USP42: variants seen among roughly 807,000 people sequenced by gnomAD.
USP42 encodes the protein ubiquitin specific peptidase 42, also known as ubiquitin carboxyl-terminal hydrolase 42.
Under a neutral mutation model 113.0 loss-of-function variants are expected in USP42, and 23 were observed. The observed-to-expected ratio is 0.20, with a 90% CI of 0.15 to 0.29. The LOEUF (loss-of-function observed/expected upper bound fraction) is 0.29. Ranked by LOEUF, USP42 falls within the 10% of genes least tolerant of loss-of-function variation. USP42 has a pLI of 1.00. For missense variants in USP42, 2,174 were observed against 1,779.8 expected (o/e 1.22, Z -3.99); for synonymous variants, 933 against 699.0 (o/e 1.33, Z -5.28).
the USP42 span, among the ~76,000 whole-genome samples, chr7:6,095,846 T>G: frequency 1.3e-5 from 2 of 150,960 alleles, no homozygotes; most frequent in Non-Finnish European, 2.9e-5. Flanking sequence ...CACTGCAGTC[T>G]ACACCTCCCA....
rs1198975766 is a variant in USP42, at chr7:6,154,670, A to C, written c.3116A>C (p.Glu1039Ala). Reference protein sequence around the residue: ...ELDWVRHHYTEGERGWGREKF... With the variant: ...ELDWVRHHYTAGERGWGREKF... ...GACTGGGTCAGACACCACTACACCGAGGGCGAGCGTGGCTGGGGCCGGGAG... is the reference window on the plus strand; with the variant it reads ...GACTGGGTCAGACACCACTACACCGCGGGCGAGCGTGGCTGGGGCCGGGAG... Residue 1039 changes from glutamate to alanine, a missense_variant, in exon 15 of 18, where the codon GAG becomes GCG. Glu to Ala is a moderately radical substitution (Grantham distance 107). Transcript: ENST00000306177. 1.9e-6 allele frequency: 3 copies of C among 1,605,940 alleles called. No individual in the cohort carries two copies. Among genetic ancestry groups the C allele is most frequent in the Non-Finnish European group, 2.5e-6 (3 of 1,177,064 alleles).
intron 9 of USP42, 96 bp from the exon 10 acceptor site, chr7:6,145,420 G>C (rs1200992298): frequency 2.1e-6 from 3 of 1,451,310 alleles, no homozygotes; most frequent in African/African-American, 2.8e-5. Context: ...TGTTCTGTGG[G>C]TCTCCCCTCC....
chr7:6,081,679 G>C, the USP42 span: 1 of 152,268 alleles, frequency 6.6e-6, no homozygotes, highest in African/African-American at 2.4e-5. Flanking sequence ...CTAGTCTTCG[G>C]ACGGCGGCCT....
chr7:6,149,388 GA>G (rs1343689158), intron 12 of USP42, among the ~76,000 whole-genome samples, 194 bp from the exon 13 acceptor site: 1 of 151,526 alleles, frequency 6.6e-6, no homozygotes, highest in African/African-American at 2.4e-5. Flanking sequence ...TTTATTGCCA[GA>G]AAACTAGGGC....
intron 14 of USP42, among the ~76,000 whole-genome samples, chr7:6,151,335 A>G (rs1479923467): frequency 1.7e-4 from 26 of 152,238 alleles, no homozygotes; most frequent in Admixed American, 1.4e-3. Context: ...GCTTACTGTA[A>G]CTTTTTTACT....
intron 1 of USP42, among the ~76,000 whole-genome samples, chr7:6,105,851 A>G (rs1008170074): frequency 6.6e-6 from 1 of 152,166 alleles, no homozygotes; most frequent in Non-Finnish European, 1.5e-5. Context: ...TGCAGTGGAG[A>G]TGACTTTTGT....
At position 6,154,340 on chromosome 7, in the gene USP42, C is replaced by G. The variant is rs1782277185; in HGVS notation, c.2786C>G (p.Ala929Gly). The change falls in exon 15 of 18, where the codon GCG (alanine) becomes GGG (glycine). Residue 929 changes from alanine (A) to glycine (G), a missense_variant. Transcript: ENST00000306177. ...GGCGAGAGGGTCGAGGACGCCGCGG[C>G]GCCGAAAGCCCCAGGCCCTTCCCCA... is the stretch of plus-strand genomic sequence containing the variant. The part of the protein sequence containing the change: ...SPGERVEDAA[A>G]PKAPGPSPAK... The G allele has an allele frequency of 6.4e-7, 1 of 1,571,058 alleles. No homozygotes were observed. The highest frequency in any genetic ancestry group is 8.6e-7 in the Non-Finnish European group (1 of 1,159,398).
At chr7:6,102,346 T>C (rs565465341), upstream of USP42, among the ~76,000 whole-genome samples, 1 of 150,420 alleles carries the variant, frequency 6.6e-6, no homozygotes, top group Non-Finnish European at 1.5e-5. Flanking sequence ...ACTCCTGATC[T>C]TGTGATCTGC....
At chr7:6,100,046 G>A (rs1221464126), upstream of USP42, among the ~76,000 whole-genome samples, 2 of 133,434 alleles carry the variant, frequency 1.5e-5, no homozygotes, top group African/African-American at 2.9e-5. Context: ...AGAGACTGGG[G>A]CTCACTATGT....
At position 6,149,584 on chromosome 7, in the gene USP42, A is replaced by G; in HGVS notation, c.1388A>G (p.Asn463Ser). ...GPQLPSHMIKNPPHLNGTGPL... is the reference protein window; with the variant it reads ...GPQLPSHMIKSPPHLNGTGPL... ...CAGGTGCGCTCTGCTTACTTCCAGA[A>G]TCCACCTCACTTAAATGGGACTGGA... Residue 463 changes from asparagine (N) to serine (S), a missense_variant and splice_region_variant, in exon 13 of 18, where the codon AAT (asparagine) becomes AGT (serine). Coordinates refer to ENST00000306177, the MANE Select transcript of USP42 (RefSeq NM_032172.3). 1 of 1,610,974 alleles carries G rather than the reference A, an allele frequency of 6.2e-7. No homozygotes were observed. Among genetic ancestry groups the G allele is most frequent in the Non-Finnish European group, 8.5e-7 (1 of 1,177,724 alleles).
At chr7:6,099,305 C>T in the USP42 span, among the ~76,000 whole-genome samples, 5 of 144,290 alleles carry the variant, frequency 3.5e-5, no homozygotes, top group Non-Finnish European at 6.0e-5. Context: ...ACCTAGGCCT[C>T]CCAGGTTCAA....
At position 6,157,390 on chromosome 7, in the gene USP42, TTTTATTTTA is replaced by T. The variant is rs1245336555; in HGVS notation, c.3943+348_3943+356del. ...CTTGGTTTGGTTTGGTTTTATTTTA[TTTTATTTTA>T]TTTATTTTATTTTTTGAGACGGAGT... On this transcript the variant is annotated intron_variant, in intron 16 of 17. Transcript: ENST00000306177. This position sits in a 1 kb window ranked among gnomAD's most constrained non-coding sequence, Gnocchi z 4.1. 2.0e-6 allele frequency: 2 copies of T among 999,006 alleles called. No homozygotes were observed. Among genetic ancestry groups the T allele is most frequent in the Non-Finnish European group, 2.4e-6 (2 of 838,258 alleles). 61.9% of individuals were successfully genotyped at this position (999,006 alleles called of 1,614,324 possible). A position where few individuals can be genotyped will look rare whatever the true frequency, so the allele number is the denominator to read the frequency against.
At position 6,150,165 on chromosome 7, in the gene USP42, C is replaced by G; in HGVS notation, c.1969C>G (p.Leu657Val). 6.2e-7 allele frequency: 1 copy of G among 1,613,894 alleles called. No individual in the cohort carries two copies. Among genetic ancestry groups the G allele is most frequent in the Non-Finnish European group, 8.5e-7 (1 of 1,179,856 alleles). Residue 657 changes from leucine (L) to valine (V), a missense_variant, in exon 13 of 18, where the codon CTA (leucine) becomes GTA (valine). Leu to Val is a conservative substitution (Grantham distance 32, BLOSUM62 1). Transcript: ENST00000306177. The part of the protein sequence containing the change: ...TPHELQEPMT[L>V]NGANSADSDS... The stretch of plus-strand genomic sequence containing the variant: ...GCACGAGCTTCAAGAACCCATGACC[C>G]TAAACGGTGCTAATAGTGCAGACAG...
At chr7:6,152,293 A>G (rs1165521805) in intron 14 of USP42, among the ~76,000 whole-genome samples, 1 of 152,234 alleles carries the variant, frequency 6.6e-6, no homozygotes, top group East Asian at 1.9e-4. Context: ...CTCATGGCGA[A>G]CAACTTCTGG....
chr7:6,101,170 G>A (rs541547086), upstream of USP42, among the ~76,000 whole-genome samples: 82 of 151,282 alleles, frequency 5.4e-4, 7 homozygotes, highest in African/African-American at 2.0e-3. Context: ...AGCCTCAGGA[G>A]AAGAGGCAGC....
chr7:6,154,285 C>T lies in USP42; in HGVS notation c.2731C>T (p.His911Tyr), dbSNP rs760719561. The T allele has an allele frequency of 3.1e-6, 5 of 1,592,368 alleles. No individual in the cohort carries two copies. Among genetic ancestry groups the T allele is most frequent in the Non-Finnish European group, 3.4e-6 (4 of 1,170,474 alleles). The stretch of plus-strand genomic sequence containing the variant: ...TGTGCTGGACATGGCCCCGGCCGGT[C>T]ACCCGGAAGGGGACGCTGAGCCTAG... ...APVLDMAPAG[H>Y]PEGDAEPSPG... The change falls in exon 15 of 18, where the codon CAC (histidine) becomes TAC (tyrosine). Residue 911 changes from histidine (H) to tyrosine (Y), a missense_variant. His to Tyr is a moderately conservative substitution (Grantham distance 83). Transcript: ENST00000306177.
At chr7:6,105,118 C>G (rs983072717) in intron 1 of USP42, 86 bp downstream of exon 1, 1 of 146,962 alleles carries the variant, frequency 6.8e-6, no homozygotes, top group African/African-American at 2.5e-5. Context: ...GCTGGCTCGG[C>G]CGCCCCTCAG....
Position 6,159,412 on chromosome 7 carries a change from CCAT to C in USP42, c.3944-34_3944-32del, listed in dbSNP as rs781368643. Reference sequence around the variant, plus strand: ...AGCAGAGGCCCTGGCGATTTTGCAACCATCATTAAAATCTCTTTCCTGACCTTT... The same window carrying C: ...AGCAGAGGCCCTGGCGATTTTGCAACCATTAAAATCTCTTTCCTGACCTTT... On this transcript the variant is annotated intron_variant, in intron 16 of 17. Coordinates refer to ENST00000306177, the MANE Select transcript of USP42 (RefSeq NM_032172.3). This position sits in a 1 kb window ranked among gnomAD's most constrained non-coding sequence, Gnocchi z 4.1. The C allele has an allele frequency of 1.4e-5, 22 of 1,613,660 alleles. 2 individuals carry two copies. In the Admixed American group the frequency reaches 2.8e-4, roughly 21 times the overall value.
At chr7:6,135,379 G>C (rs1781077088) in intron 3 of USP42, among the ~76,000 whole-genome samples, 1 of 152,124 alleles carries the variant, frequency 6.6e-6, no homozygotes, top group South Asian at 2.1e-4. Flanking sequence ...CTGGGGTGGT[G>C]GCTTACACCT....
Sources: allele counts gnomAD v4.1 joint callset (sites outside exome capture counted in the v4.1 genomes callset), GRCh38; gene constraint gnomAD v4.1.1; non-coding constraint Gnocchi (gnomAD v3.1); transcripts MANE v1.5; gene names NCBI Gene and HGNC (gene_info 2026-07-23, HGNC 2026-07-21).